The following PRMT2 variants were observed in gnomAD, a reference collection of about 807,000 sequenced individuals.
PRMT2 encodes the protein protein arginine N-methyltransferase 2.
A neutral mutation model predicts 57.6 loss-of-function variants in PRMT2; 26 were observed. The ratio of observed to expected loss-of-function variants is 0.45; its 90% CI spans 0.33 to 0.63. The LOEUF (loss-of-function observed/expected upper bound fraction) is 0.63, where lower values mean the gene tolerates loss of function less well. Ranked by LOEUF, PRMT2 falls within the 20% of genes least tolerant of loss-of-function variation. The pLI is 0.02. For missense variants in PRMT2, 472 were observed against 564.4 expected (o/e 0.84, Z 1.66); for synonymous variants, 219 against 220.0 (o/e 1.00, Z 0.04).
chr21:46,636,006 TC>T (rs1200171110), intron 1 of PRMT2: 3 of 152,754 alleles, frequency 2.0e-5, no homozygotes, highest in Non-Finnish European at 4.4e-5. Flanking sequence ...TCCAGCGCCT[TC>T]TACGGCCACG....
At position 46,654,799 on chromosome 21, in the gene PRMT2, T is replaced by C. The variant is rs557515757; in HGVS notation, c.655-3946T>C. On this transcript the variant is annotated intron_variant, in intron 7 of 11. Coordinates refer to ENST00000355680, the MANE Select transcript of PRMT2 (RefSeq NM_206962.4). ...CCACGTTATTTTATATGGGGGACTT[T>C]AGCATCCAAGGATTTGAATATCCAC... 11 of 648,658 alleles carry C rather than the reference T, an allele frequency of 1.7e-5. No individual in the cohort carries two copies. The African/African-American group carries it at 1.8e-4, about 11-fold the overall frequency. The allele number at this position is 648,658 out of a possible 1,614,324, so 40.2% of individuals were successfully genotyped here.
intron 7 of PRMT2, chr21:46,658,438 A>C (rs1411659367): frequency 3.7e-6 from 1 of 273,802 alleles, no homozygotes. Context: ...TCTGGTAGCT[A>C]CGAGCTCTTC....
intron 5 of PRMT2, 80 bp downstream of exon 5, chr21:46,644,568 C>A: frequency 7.1e-7 from 1 of 1,404,412 alleles, no homozygotes; most frequent in Non-Finnish European, 9.6e-7. Flanking sequence ...ACGTTCAGAG[C>A]AGGCCCATAG....
intron 7 of PRMT2, chr21:46,657,497 T>C (rs936598649): frequency 7.9e-5 from 12 of 152,080 alleles, no homozygotes; most frequent in African/African-American, 2.7e-4. Context: ...GAGCCAGTTA[T>C]TGAAACAGGT....
chr21:46,659,218 A>C, intron 8 of PRMT2: 1 of 1,135,988 alleles, frequency 8.8e-7, no homozygotes, highest in South Asian at 2.8e-5. Context: ...GGAGCAGTTG[A>C]TTAGCCCTTG....
chr21:46,664,112 C>T (rs1382716913), intron 11 of PRMT2, among the ~76,000 whole-genome samples, 183 bp from the exon 12 acceptor site: 4 of 152,068 alleles, frequency 2.6e-5, no homozygotes, highest in Non-Finnish European at 5.9e-5. Flanking sequence ...AAATGGTTTT[C>T]CTTCATTTTT....
intron 10 of PRMT2, among the ~76,000 whole-genome samples, 182 bp downstream of exon 10, chr21:46,662,118 C>T (rs969544217): frequency 6.6e-6 from 1 of 151,690 alleles, no homozygotes; most frequent in Admixed American, 6.6e-5. Context: ...GGTGTAGACA[C>T]CGCAGCCTGT....
chr21:46,651,704 C>T lies in PRMT2; in HGVS notation c.654+1965C>T, dbSNP rs576610954. ...GACGGGGCTGCAAGAGTTCCTATGG[C>T]GATAGTTGTTGGGGCACAGGGTTGG... is the stretch of plus-strand genomic sequence containing the variant. On this transcript the variant is annotated intron_variant, in intron 7 of 11. Coordinates refer to ENST00000355680, the MANE Select transcript of PRMT2 (RefSeq NM_206962.4). 5.9e-4 allele frequency: 788 copies of T among 1,327,574 alleles called. 5 individuals are homozygous for T. In the South Asian group the frequency reaches 9.6e-3, roughly 16 times the overall value. The allele number at this position is 1,327,574 out of a possible 1,614,324, so 82.2% of individuals were successfully genotyped here.
intron 3 of PRMT2, among the ~76,000 whole-genome samples, chr21:46,641,719 CTG>C (rs34542867): frequency 0.076 from 11,181 of 148,078 alleles, 945 homozygotes; most frequent in African/African-American, 0.22. Context: ...AAGAAACAGC[CTG>C]TGTGTGTGTG....
intron 3 of PRMT2, among the ~76,000 whole-genome samples, chr21:46,638,151 C>CT (rs914912617): frequency 6.6e-6 from 1 of 152,106 alleles, no homozygotes; most frequent in Admixed American, 6.5e-5. Context: ...TTTGTGTGGG[C>CT]TTTTTAGAGT....
intron 5 of PRMT2, 38 bp downstream of exon 5, chr21:46,644,526 G>A (rs753920600): frequency 2.0e-5 from 31 of 1,545,178 alleles, no homozygotes; most frequent in Admixed American, 1.1e-4. Context: ...CTGGCCAGGC[G>A]GTGGGTTCTC....
At chr21:46,651,443 C>G (rs1569157816) in intron 7 of PRMT2, among the ~76,000 whole-genome samples, 1 of 151,778 alleles carries the variant, frequency 6.6e-6, no homozygotes, top group African/African-American at 2.4e-5. Context: ...GGGGACATGG[C>G]CTGGGGTCTC....
At position 46,661,946 on chromosome 21, in the gene PRMT2, C is replaced by A. The variant is rs370608389; in HGVS notation, c.1097+10C>A. The A allele has an allele frequency of 2.1e-6, 1 of 484,300 alleles. No homozygotes were observed. Among genetic ancestry groups the A allele is most frequent in the Non-Finnish European group, 2.8e-6 (1 of 358,658 alleles). The allele number at this position is 484,300 out of a possible 1,614,324, so 30.0% of individuals were successfully genotyped here. ...CCGGGCCCTTCCACCCGTGAGTGTGCGGGGCGCGGGCACGGGGTGCGGGGT... is the reference window on the plus strand; with the variant it reads ...CCGGGCCCTTCCACCCGTGAGTGTGAGGGGCGCGGGCACGGGGTGCGGGGT... On this transcript the variant is annotated intron_variant, in intron 10 of 11. Coordinates refer to ENST00000355680, the MANE Select transcript of PRMT2 (RefSeq NM_206962.4).
At chr21:46,652,670 A>C (rs1162621610) in intron 7 of PRMT2, 3 of 985,390 alleles carry the variant, frequency 3.0e-6, no homozygotes, top group Non-Finnish European at 2.4e-6. Flanking sequence ...TTGAAGGAAA[A>C]TAGGGCAGAA....
chr21:46,638,479 G>A (rs2061214114), intron 3 of PRMT2, among the ~76,000 whole-genome samples: 1 of 152,158 alleles, frequency 6.6e-6, no homozygotes, highest in African/African-American at 2.4e-5. Flanking sequence ...CCATGCCTCT[G>A]TGCTCCAGTA....
chr21:46,643,344 T>A (rs12627121), intron 3 of PRMT2, 191 bp from the exon 4 acceptor site: 4 of 1,111,834 alleles, frequency 3.6e-6, no homozygotes, highest in East Asian at 3.7e-5. Flanking sequence ...TTTTTTTTTT[T>A]AGAAAAGAAA....
chr21:46,652,290 A>G (rs1358882992), intron 7 of PRMT2: 3 of 1,293,290 alleles, frequency 2.3e-6, no homozygotes, highest in Non-Finnish European at 2.9e-6. Context: ...TTCATAATGA[A>G]GCTGTCAAAT....
At chr21:46,641,278 G>C (rs1221358777) in intron 3 of PRMT2, among the ~76,000 whole-genome samples, 2 of 152,188 alleles carry the variant, frequency 1.3e-5, no homozygotes, top group African/African-American at 4.8e-5. Context: ...TCTATCAAAG[G>C]GGGATGGCTG....
chr21:46,650,123 T>C (rs116746667), intron 7 of PRMT2, among the ~76,000 whole-genome samples: 40 of 152,342 alleles, frequency 2.6e-4, no homozygotes, highest in African/African-American at 8.7e-4. Context: ...GTGAAGCCAC[T>C]TGGGCATCTG....
Sources: gnomAD v4.1 joint callset for allele counts (sites outside exome capture counted in the v4.1 genomes callset) on GRCh38, gnomAD v4.1.1 for gene constraint, MANE v1.5 for transcripts, NCBI Gene and HGNC (gene_info 2026-07-23, HGNC 2026-07-21) for gene names.